Variants in FOCAD observed in about 807,000 individuals in gnomAD.
FOCAD encodes focadhesin.
In FOCAD, 198 loss-of-function variants were observed where a neutral mutation model predicts 225.6. The observed-to-expected ratio is 0.88, with a 90% CI of 0.78 to 0.99. The LOEUF (loss-of-function observed/expected upper bound fraction) is 0.99. Among genes scored for constraint, FOCAD ranks in the 50% least tolerant of loss-of-function variants. FOCAD has a pLI of 0.00. For synonymous variants in FOCAD, 897 were observed against 755.0 expected, an observed-to-expected ratio of 1.19 and a Z score of -3.08; for missense variants, 2,713 against 2,123.6, an observed-to-expected ratio of 1.28 and a Z score of -5.46.
chr9:20,984,908 C>T (rs952853895), intron 39 of FOCAD, among the ~76,000 whole-genome samples: 3 of 152,198 alleles, frequency 2.0e-5, no homozygotes, highest in Admixed American at 6.5e-5. Context: ...TCAAGTGATT[C>T]GCCTGCCTCA....
chr9:20,943,406 C>T (rs1836863929), intron 28 of FOCAD, among the ~76,000 whole-genome samples: 1 of 152,024 alleles, frequency 6.6e-6, no homozygotes, highest in South Asian at 2.1e-4. Flanking sequence ...CCATGAAGGG[C>T]ACTGAGAGGG....
At chr9:20,849,311 C>G (rs1398384071) in intron 15 of FOCAD, among the ~76,000 whole-genome samples, 1 of 151,618 alleles carries the variant, frequency 6.6e-6, no homozygotes, top group Non-Finnish European at 1.5e-5. Context: ...CATGTGGACT[C>G]TTTTGGAAAT....
intron 21 of FOCAD, among the ~76,000 whole-genome samples, chr9:20,893,321 C>T (rs770376733): frequency 3.5e-5 from 5 of 142,726 alleles, no homozygotes; most frequent in African/African-American, 5.3e-5. Context: ...AACTGTATGA[C>T]TCTCTTTATT....
At chr9:20,681,837 A>G (rs1822407506), upstream of FOCAD, among the ~76,000 whole-genome samples, 1 of 152,218 alleles carries the variant, frequency 6.6e-6, no homozygotes, top group African/African-American at 2.4e-5. Context: ...GCTTAACCCT[A>G]GATCTGCAGT....
rs1829934229 is a variant in FOCAD at position 20,765,014 on chromosome 9, C to A, written c.640C>A (p.Pro214Thr). 5.6e-6 allele frequency: 9 copies of A among 1,614,078 alleles called. No individual in the cohort carries two copies. The highest frequency in any genetic ancestry group is 2.2e-5 in the East Asian group (1 of 44,860). ...QPQVLCDKDQ[P>T]SILEQQILQL... is the part of the protein sequence containing the mutation. Reference sequence around the variant, plus strand: ...CCAGGTTCTTTGTGACAAAGATCAACCATCAATACTGGAACAGCAGATACT... The same window carrying A: ...CCAGGTTCTTTGTGACAAAGATCAAACATCAATACTGGAACAGCAGATACT... Residue 214 changes from proline (P) to threonine (T), a missense_variant, in exon 7 of 44, where the codon CCA becomes ACA. By Grantham distance (38) the Pro-to-Thr change is conservative. Transcript: ENST00000338382.
chr9:20,767,385 C>G (rs899568263), intron 7 of FOCAD, among the ~76,000 whole-genome samples: 2 of 133,248 alleles, frequency 1.5e-5, no homozygotes, highest in East Asian at 2.0e-4. Context: ...TTCTAGATCC[C>G]TGAGGAATTG....
chr9:20,804,503 A>G (rs997149063), intron 11 of FOCAD, among the ~76,000 whole-genome samples: 1 of 152,098 alleles, frequency 6.6e-6, no homozygotes, highest in South Asian at 2.1e-4. Flanking sequence ...ATGCATGCAT[A>G]TATTAGGTTG....
intron 19 of FOCAD, among the ~76,000 whole-genome samples, chr9:20,876,745 A>G (rs1424897146): frequency 1.3e-5 from 2 of 152,174 alleles, no homozygotes; most frequent in East Asian, 1.9e-4. Flanking sequence ...GAACCAGGAA[A>G]AAGTCACCAG....
At chr9:20,883,405 AC>A (rs570709390) in intron 20 of FOCAD, among the ~76,000 whole-genome samples, 246 of 152,312 alleles carry the variant, frequency 1.6e-3, no homozygotes, top group African/African-American at 5.8e-3. Context: ...TGAACAAACT[AC>A]TGTATAGACA....
chr9:20,787,827 A>C (rs1820082917), intron 10 of FOCAD, among the ~76,000 whole-genome samples: 2 of 152,166 alleles, frequency 1.3e-5, no homozygotes, highest in African/African-American at 4.8e-5. Context: ...TTGAAAAAAA[A>C]AATTGGTAGC....
At chr9:20,871,587 G>C (rs1829770924) in intron 18 of FOCAD, among the ~76,000 whole-genome samples, 1 of 151,296 alleles carries the variant, frequency 6.6e-6, no homozygotes, top group Non-Finnish European at 1.5e-5. Flanking sequence ...GTGACCAGAG[G>C]AGTAAAGAAC....
intron 4 of FOCAD, among the ~76,000 whole-genome samples, chr9:20,731,752 G>A (rs974826776): frequency 6.6e-6 from 1 of 152,012 alleles, no homozygotes; most frequent in Non-Finnish European, 1.5e-5. Flanking sequence ...CAAGTTGCCG[G>A]GACTACAGAC....
At chr9:20,774,571 C>G (rs927983595) in intron 8 of FOCAD, among the ~76,000 whole-genome samples, 1 of 152,126 alleles carries the variant, frequency 6.6e-6, no homozygotes, top group Non-Finnish European at 1.5e-5. Flanking sequence ...TCTTTATTTA[C>G]TAACTTTAAA....
chr9:20,904,665 G>A (rs1368220878), intron 21 of FOCAD, among the ~76,000 whole-genome samples: 1 of 151,978 alleles, frequency 6.6e-6, no homozygotes, highest in East Asian at 1.9e-4. Context: ...TCAGATAGCT[G>A]TCATTGCAAG....
Position 20,819,892 on chromosome 9 carries a change from G to A in FOCAD, c.1552G>A (p.Val518Ile). Residue 518 changes from valine (V) to isoleucine (I), a missense_variant, in exon 12 of 44, where the codon GTT becomes ATT. Val to Ile is a conservative substitution (Grantham distance 29). Coordinates refer to ENST00000338382, the MANE Select transcript of FOCAD (RefSeq NM_001375567.1). ...DILYTLPKLG[V>I]HKVCIGQILR... ...ATTGTATACTTTACCTAAGCTTGGTGTTCACAAGGTTAGTATGTTAATTAA... is the reference window on the plus strand; with the variant it reads ...ATTGTATACTTTACCTAAGCTTGGTATTCACAAGGTTAGTATGTTAATTAA... 1 of 1,506,066 alleles carries A rather than the reference G, an allele frequency of 6.6e-7. No individual in the cohort carries two copies. The highest frequency in any genetic ancestry group is 9.0e-7 in the Non-Finnish European group (1 of 1,116,002). The allele number at this position is 1,506,066 out of a possible 1,614,324, so 93.3% of individuals were successfully genotyped here. A position where few individuals can be genotyped will look rare whatever the true frequency, so the allele number is the denominator to read the frequency against.
chr9:20,866,917 T>TTTTAAAC lies in FOCAD; in HGVS notation c.2107-12_2107-11insTTTAAAC. ...TTTTTTTTTTTTTTTTTTTTTTTTT[T>TTTTAAAC]ACCCTATCTAGGACCCAATTGTAGC... On this transcript the variant is annotated splice_polypyrimidine_tract_variant and intron_variant, in intron 17 of 43. Coordinates refer to ENST00000338382, the MANE Select transcript of FOCAD (RefSeq NM_001375567.1). The TTTTAAAC allele has an allele frequency of 1.3e-6, 1 of 764,972 alleles. No individual in the cohort carries two copies. 47.4% of individuals were successfully genotyped at this position (764,972 alleles called of 1,614,324 possible).
chr9:20,946,823 T>C lies in FOCAD; in HGVS notation c.3675+3T>C. The stretch of plus-strand genomic sequence containing the variant: ...TGTTAGTGGAGAATAGCCAGCAGGT[T>C]GGAACGTGTGCCCTGATTATTTCTC... On this transcript the variant is annotated splice_donor_region_variant and intron_variant, in intron 30 of 43. Transcript: ENST00000338382. The C allele has an allele frequency of 6.2e-7, 1 of 1,613,418 alleles. No homozygotes were observed. Among genetic ancestry groups the C allele is most frequent in the Non-Finnish European group, 8.5e-7 (1 of 1,179,460 alleles).
chr9:20,778,515 C>T lies in FOCAD; in HGVS notation c.907-166C>T, dbSNP rs77036953. 0.038 allele frequency among the ~76,000 whole-genome samples: 5,854 copies of T among 152,210 alleles called. 146 individuals are homozygous for T. Among genetic ancestry groups the T allele is most frequent in the African/African-American group, 0.072 (2,995 of 41,524 alleles). ...CGTTACAGGCGTGAGCTGCCACGCC[C>T]GGCCGACCAATTCTTTCTTTAGTAG... is the stretch of plus-strand genomic sequence containing the variant. On this transcript the variant is annotated intron_variant, in intron 8 of 43. Transcript: ENST00000338382.
At chr9:20,682,711 T>C (rs1371081351), upstream of FOCAD, among the ~76,000 whole-genome samples, 1 of 152,126 alleles carries the variant, frequency 6.6e-6, no homozygotes, top group Non-Finnish European at 1.5e-5. Context: ...TTATAAGCCT[T>C]ATAAAACTCC....
Sources: allele counts gnomAD v4.1 joint callset (sites outside exome capture counted in the v4.1 genomes callset), GRCh38; gene constraint gnomAD v4.1.1; transcripts MANE v1.5; gene names NCBI Gene and HGNC (gene_info 2026-07-23, HGNC 2026-07-21).